The following SUGCT variants were observed in gnomAD, a reference collection of about 807,000 sequenced individuals.
SUGCT encodes succinyl-CoA:glutarate CoA-transferase.
A neutral mutation model predicts 55.0 loss-of-function variants in SUGCT; 41 were observed. The ratio of observed to expected loss-of-function variants is 0.74; its 90% CI spans 0.58 to 0.97. The LOEUF is 0.97. Ranked by LOEUF, SUGCT falls within the 50% of genes least tolerant of loss-of-function variation. SUGCT has a pLI of 0.00. For missense variants in SUGCT, 568 were observed against 547.8 expected, an observed-to-expected ratio of 1.04 and a Z score of -0.37; for synonymous variants, 187 against 200.4, an observed-to-expected ratio of 0.93 and a Z score of 0.56.
intron 9 of SUGCT, among the ~76,000 whole-genome samples, chr7:40,377,128 CTCTTTCTTTCTTTCTT>C (rs530455909): frequency 0.018 from 111 of 6,320 alleles, 27 homozygotes; most frequent in African/African-American, 0.027. Flanking sequence ...TTCAGCCTTC[CTCTTTCTTTCTTTCTT>C]TCTTTCTTTC....
the SUGCT span, chr7:40,964,716 T>G: frequency 1.2e-4 from 19 of 152,138 alleles, no homozygotes; most frequent in African/African-American, 4.6e-4. Flanking sequence ...ATGCTGGGAG[T>G]AAATTTCTAC....
intron 8 of SUGCT, among the ~76,000 whole-genome samples, chr7:40,289,217 T>C (rs1554302291): frequency 6.8e-6 from 1 of 146,246 alleles, no homozygotes; most frequent in Non-Finnish European, 1.5e-5. Flanking sequence ...CTAATGAAAC[T>C]AAAAAAAAAA....
intron 12 of SUGCT, among the ~76,000 whole-genome samples, chr7:40,533,331 A>C (rs561977914): frequency 6.6e-6 from 1 of 152,236 alleles, no homozygotes; most frequent in Admixed American, 6.5e-5. Flanking sequence ...TATTGCTCTC[A>C]AAATATAAAC....
chr7:40,884,939 G>A, the SUGCT span, among the ~76,000 whole-genome samples: 4 of 152,144 alleles, frequency 2.6e-5, no homozygotes, highest in Non-Finnish European at 4.4e-5. Context: ...ACTTGGGTAA[G>A]AGCTCTGCCA....
In SUGCT at chr7:40,173,447, C is replaced by T. The variant is rs374961485; in HGVS notation, c.101-7500C>T. Among the ~76,000 whole-genome samples the T allele has an allele frequency of 1.5e-4, 23 of 152,268 alleles. No homozygotes were observed. In the South Asian group the frequency reaches 4.4e-3, roughly 29 times the overall value. ...CACGGACCAGAAGAGTGTGCAGTTG[C>T]AAGATTTAATAGAGTGAAAACAGAG... On this transcript the variant is annotated intron_variant, in intron 1 of 13. Transcript: ENST00000335693.
At chr7:40,268,695 G>T (rs1791783172) in intron 7 of SUGCT, among the ~76,000 whole-genome samples, 1 of 151,708 alleles carries the variant, frequency 6.6e-6, no homozygotes, top group African/African-American at 2.4e-5. Flanking sequence ...TGTCCCCTAG[G>T]TTGGAGTGCA....
At chr7:40,737,979 A>G (rs1346003129) in intron 12 of SUGCT, among the ~76,000 whole-genome samples, 1 of 151,868 alleles carries the variant, frequency 6.6e-6, no homozygotes, top group Non-Finnish European at 1.5e-5. Context: ...AATCGCGCAG[A>G]TCACGAGGTC....
At chr7:40,703,061 CTTT>C (rs58887234) in intron 12 of SUGCT, among the ~76,000 whole-genome samples, 96 of 115,754 alleles carry the variant, frequency 8.3e-4, no homozygotes, top group Admixed American at 1.1e-3. Flanking sequence ...TTCAGCCTAG[CTTT>C]TTTTTTTTTT....
intron 9 of SUGCT, among the ~76,000 whole-genome samples, chr7:40,379,412 C>G (rs572877030): frequency 6.6e-6 from 1 of 152,074 alleles, no homozygotes; most frequent in Non-Finnish European, 1.5e-5. Context: ...TTTTTGAGGC[C>G]TATAAGTTTT....
At chr7:40,968,626 G>A in the SUGCT span, among the ~76,000 whole-genome samples, 27 of 152,276 alleles carry the variant, frequency 1.8e-4, no homozygotes, top group South Asian at 1.9e-3. Flanking sequence ...AAAGTTCTCC[G>A]TGGCCTACAG....
At chr7:40,947,210 A>C in the SUGCT span, among the ~76,000 whole-genome samples, 7 of 152,288 alleles carry the variant, frequency 4.6e-5, no homozygotes, top group East Asian at 1.3e-3. Flanking sequence ...CACCTCTGCC[A>C]GCTCAAATCT....
chr7:40,254,539 A>G (rs1165357510), intron 7 of SUGCT, among the ~76,000 whole-genome samples: 1 of 151,864 alleles, frequency 6.6e-6, no homozygotes, highest in Non-Finnish European at 1.5e-5. Context: ...CTGGGATTAC[A>G]GGTACCACCA....
At chr7:40,542,324 G>A (rs1420912234) in intron 12 of SUGCT, among the ~76,000 whole-genome samples, 2 of 152,058 alleles carry the variant, frequency 1.3e-5, no homozygotes, top group African/African-American at 2.4e-5. Flanking sequence ...TCAGCCACAG[G>A]TCCTGCAAAT....
intron 7 of SUGCT, among the ~76,000 whole-genome samples, chr7:40,265,120 G>A (rs367599220): frequency 5.9e-5 from 9 of 152,136 alleles, no homozygotes; most frequent in African/African-American, 1.7e-4. Context: ...TAAAAAATTT[G>A]TGTGCCCCAG....
intron 9 of SUGCT, among the ~76,000 whole-genome samples, chr7:40,319,961 A>G (rs1055191568): frequency 1.3e-5 from 2 of 151,732 alleles, no homozygotes; most frequent in Non-Finnish European, 2.9e-5. Context: ...AGCGGAGACT[A>G]CAGGTACCAG....
chr7:40,846,722 C>T (rs955603382), intron 13 of SUGCT, among the ~76,000 whole-genome samples: 1 of 152,198 alleles, frequency 6.6e-6, no homozygotes, highest in Non-Finnish European at 1.5e-5. Flanking sequence ...TATCCAGCCA[C>T]TGATATGAGA....
chr7:40,305,708 C>T (rs1303154711), intron 8 of SUGCT, among the ~76,000 whole-genome samples: 2 of 152,104 alleles, frequency 1.3e-5, no homozygotes, highest in East Asian at 3.9e-4. Flanking sequence ...GTGTCCTAGG[C>T]TGGAGTGCAG....
rs1791342762 is a variant in SUGCT, at chr7:40,810,299, GGTCAAATGGAA to G, written c.1154-50015_1154-50005del. On this transcript the variant is annotated intron_variant, in intron 13 of 13. Coordinates refer to ENST00000335693, the MANE Select transcript of SUGCT (RefSeq NM_001193313.2). The stretch of plus-strand genomic sequence containing the variant: ...TACATACCTAGTAATGGGATTGCTA[GGTCAAATGGAA>G]GCTCTGGTTTTAGGTCTTTGAGAAA... Among the ~76,000 whole-genome samples, 3 of 152,180 alleles carry G rather than the reference GGTCAAATGGAA, an allele frequency of 2.0e-5. No homozygotes were observed. In the South Asian group the frequency reaches 6.2e-4, roughly 32 times the overall value.
the SUGCT span, among the ~76,000 whole-genome samples, chr7:40,954,665 G>A: frequency 4.6e-5 from 7 of 152,188 alleles, no homozygotes; most frequent in Admixed American, 4.6e-4. Context: ...GTCAATTTTG[G>A]CTTTTGTTGC....
Sources: allele counts gnomAD v4.1 joint callset (sites outside exome capture counted in the v4.1 genomes callset), GRCh38; gene constraint gnomAD v4.1.1; transcripts MANE v1.5; gene names NCBI Gene and HGNC (gene_info 2026-07-23, HGNC 2026-07-21).